TAB2: variants seen among roughly 807,000 people sequenced by gnomAD.
TAB2 encodes TGF-beta-activated kinase 1 and MAP3K7-binding protein 2.
A neutral mutation model predicts 65.0 loss-of-function variants in TAB2; 3 were observed. The observed-to-expected ratio is 0.05, with a 90% CI of 0.02 to 0.12. The LOEUF (loss-of-function observed/expected upper bound fraction) is 0.12, where lower values mean the gene tolerates loss of function less well. Ranked by LOEUF, TAB2 falls within the 10% of genes least tolerant of loss-of-function variation. The pLI, the probability that TAB2 is intolerant of heterozygous loss-of-function variation, is 1.00. For missense variants in TAB2, 623 were observed against 840.3 expected, an observed-to-expected ratio of 0.74 and a Z score of 3.20; for synonymous variants, 298 against 285.1, an observed-to-expected ratio of 1.05 and a Z score of -0.46.
chr6:149,318,560 C>G (rs1312849400), intron 1 of TAB2: 2 of 152,288 alleles, frequency 1.3e-5, no homozygotes, highest in Admixed American at 6.5e-5. Context: ...CTGCAGCCGT[C>G]TTTGAAGTGG....
chr6:149,364,649 A>G (rs951233600), intron 1 of TAB2, among the ~76,000 whole-genome samples: 1 of 150,448 alleles, frequency 6.6e-6, no homozygotes, highest in Admixed American at 6.7e-5. Context: ...CACTCATTCA[A>G]TGTGTGGTTG....
intron 1 of TAB2, among the ~76,000 whole-genome samples, chr6:149,343,666 TAGTC>T (rs977743005): frequency 1.6e-4 from 24 of 152,282 alleles, no homozygotes; most frequent in Admixed American, 4.6e-4. Flanking sequence ...AAGTTACAAA[TAGTC>T]AGAGTCATCC....
intron 3 of TAB2, among the ~76,000 whole-genome samples, chr6:149,384,633 T>C (rs1271836594): frequency 6.6e-6 from 1 of 152,208 alleles, no homozygotes; most frequent in Non-Finnish European, 1.5e-5. Context: ...TGGTAGTCAG[T>C]GGTCAGATAT....
intron 1 of TAB2, among the ~76,000 whole-genome samples, chr6:149,351,248 A>T (rs1780480635): frequency 6.6e-6 from 1 of 152,148 alleles, no homozygotes; most frequent in African/African-American, 2.4e-5. Context: ...CCCCAACTGC[A>T]AGTTTTTTGT....
intron 1 of TAB2, among the ~76,000 whole-genome samples, chr6:149,274,846 G>A (rs958658775): frequency 4.6e-5 from 7 of 152,100 alleles, no homozygotes; most frequent in Non-Finnish European, 8.8e-5. Context: ...CATTAGAACC[G>A]AAGAAGACCA....
At chr6:149,230,665 A>C (rs1777385373) in intron 1 of TAB2, among the ~76,000 whole-genome samples, 1 of 152,216 alleles carries the variant, frequency 6.6e-6, no homozygotes, top group South Asian at 2.1e-4. Context: ...GCTCATTGAC[A>C]GTTCTAGGCA....
intron 1 of TAB2, among the ~76,000 whole-genome samples, chr6:149,328,131 GCTAT>G (rs1277268402): frequency 1.3e-5 from 2 of 152,158 alleles, no homozygotes; most frequent in African/African-American, 4.8e-5. Flanking sequence ...ACCAAACCAA[GCTAT>G]CTATCAGTAT....
At chr6:149,274,436 A>T (rs1404814955) in intron 1 of TAB2, among the ~76,000 whole-genome samples, 1 of 152,198 alleles carries the variant, frequency 6.6e-6, no homozygotes, top group Non-Finnish European at 1.5e-5. Context: ...CCATACTGAA[A>T]TATTATCATG....
At chr6:149,233,874 T>A (rs1412029941) in intron 1 of TAB2, among the ~76,000 whole-genome samples, 1 of 152,158 alleles carries the variant, frequency 6.6e-6, no homozygotes, top group Non-Finnish European at 1.5e-5. Context: ...AATAATATAA[T>A]TTTTTTACCA....
intron 1 of TAB2, among the ~76,000 whole-genome samples, chr6:149,366,081 T>C (rs1781030627): frequency 6.6e-6 from 1 of 152,190 alleles, no homozygotes; most frequent in Non-Finnish European, 1.5e-5. Flanking sequence ...TGGCTCATCT[T>C]GGGCTTTGTG....
intron 1 of TAB2, among the ~76,000 whole-genome samples, chr6:149,342,069 C>G (rs1780148601): frequency 6.6e-6 from 1 of 151,048 alleles, no homozygotes; most frequent in African/African-American, 2.4e-5. Flanking sequence ...ATCATTGAAT[C>G]TATTTTGGTA....
At chr6:149,398,915 A>G (rs962292263) in intron 5 of TAB2, among the ~76,000 whole-genome samples, 189 bp from the exon 6 acceptor site, 1 of 152,148 alleles carries the variant, frequency 6.6e-6, no homozygotes, top group African/African-American at 2.4e-5. Context: ...TATGAGTACT[A>G]CATTATACCT....
At chr6:149,279,855 T>C (rs58489510) in intron 1 of TAB2, among the ~76,000 whole-genome samples, 36,892 of 152,036 alleles carry the variant, frequency 0.24, 5,026 homozygotes, top group East Asian at 0.43. Context: ...TATCAAAACC[T>C]ATTTCCCCCT....
intron 1 of TAB2, among the ~76,000 whole-genome samples, chr6:149,238,488 C>T (rs1777539399): frequency 1.3e-5 from 2 of 152,182 alleles, no homozygotes; most frequent in Admixed American, 6.5e-5. Flanking sequence ...GCAATTAAGA[C>T]TCACCCTACA....
chr6:149,266,572 T>C (rs1424337159), intron 1 of TAB2, among the ~76,000 whole-genome samples: 1 of 152,182 alleles, frequency 6.6e-6, no homozygotes, highest in Non-Finnish European at 1.5e-5. Flanking sequence ...AACAAAACAG[T>C]GATCGGCTTA....
chr6:149,338,424 G>A (rs1337994670), intron 1 of TAB2, among the ~76,000 whole-genome samples: 1 of 152,154 alleles, frequency 6.6e-6, no homozygotes, highest in East Asian at 1.9e-4. Flanking sequence ...AAATGGATGC[G>A]ATTTCAAGGA....
At chr6:149,367,321 T>C (rs753399244) in intron 1 of TAB2, among the ~76,000 whole-genome samples, 4 of 152,092 alleles carry the variant, frequency 2.6e-5, no homozygotes, top group Non-Finnish European at 5.9e-5. Context: ...ACATTCTTAA[T>C]GACATAAGAG....
chr6:149,370,159 G>A (rs1009382925), intron 2 of TAB2, 60 bp downstream of exon 2: 9 of 1,381,198 alleles, frequency 6.5e-6, no homozygotes, highest in African/African-American at 1.4e-5. Flanking sequence ...TTAAACATTG[G>A]AAGAAAAACT....
At chr6:149,407,590 A>C (rs145421252) in intron 6 of TAB2, among the ~76,000 whole-genome samples, 91 of 152,228 alleles carry the variant, frequency 6.0e-4, no homozygotes, top group Non-Finnish European at 9.6e-4. Flanking sequence ...GGAATCAATA[A>C]TTTTTTGCAA....
Sources: gnomAD v4.1 joint callset for allele counts (sites outside exome capture counted in the v4.1 genomes callset) on GRCh38, gnomAD v4.1.1 for gene constraint, MANE v1.5 for transcripts, NCBI Gene and HGNC (gene_info 2026-07-23, HGNC 2026-07-21) for gene names.